DLGAP1: variants seen among roughly 807,000 people sequenced by gnomAD.
The protein encoded by DLGAP1 is DLG associated protein 1, also known as disks large-associated protein 1.
DLGAP1 carries 11 observed loss-of-function variants against 90.8 expected under a neutral mutation model. The ratio of observed to expected loss-of-function variants is 0.12; its 90% CI spans 0.08 to 0.20. The LOEUF (loss-of-function observed/expected upper bound fraction) is 0.20, where lower values mean the gene tolerates loss of function less well. Ranked by LOEUF, DLGAP1 falls within the 10% of genes least tolerant of loss-of-function variation. The probability of loss-of-function intolerance (pLI) is 1.00; values close to 1 mark genes in which losing one functional copy is unlikely to be tolerated. For synonymous variants in DLGAP1, 558 were observed against 540.7 expected (o/e 1.03, Z -0.44); for missense variants, 1,050 against 1,333.8 (o/e 0.79, Z 3.31).
chr18:3,889,361 G>A (rs1756238796), intron 3 of DLGAP1, among the ~76,000 whole-genome samples: 1 of 152,158 alleles, frequency 6.6e-6, no homozygotes, highest in Middle Eastern at 3.4e-3. Context: ...TTGTGAACAT[G>A]TTCTGGCATA....
intron 1 of DLGAP1, among the ~76,000 whole-genome samples, chr18:4,437,464 A>C (rs542301724): frequency 6.6e-6 from 1 of 152,364 alleles, no homozygotes. Context: ...CATATAACTT[A>C]CACTTTAAAT....
At chr18:3,779,385 G>GT (rs944827410) in intron 5 of DLGAP1, among the ~76,000 whole-genome samples, 2 of 152,030 alleles carry the variant, frequency 1.3e-5, no homozygotes, top group East Asian at 1.9e-4. Flanking sequence ...CCAGCAATCA[G>GT]TTTTTTCCCC....
rs1249527411 is a variant in DLGAP1 at position 3,508,918 on chromosome 18, A to G, written c.2480-257T>C. ...CCTGCATATTTCTTGGGAGCAATGGAGTTTTCCAGCACTGATGTTACCAAG... is the reference window on the plus strand; with the variant it reads ...CCTGCATATTTCTTGGGAGCAATGGGGTTTTCCAGCACTGATGTTACCAAG... On this transcript the variant is annotated intron_variant, in intron 10 of 12. Coordinates refer to ENST00000315677, the MANE Select transcript of DLGAP1 (RefSeq NM_004746.4). 2.0e-5 allele frequency among the ~76,000 whole-genome samples: 3 copies of G among 151,884 alleles called. No individual in the cohort carries two copies. In the East Asian group the frequency reaches 5.8e-4, roughly 29 times the overall value.
intron 3 of DLGAP1, among the ~76,000 whole-genome samples, chr18:3,926,638 C>A (rs1423088975): frequency 2.0e-5 from 3 of 151,634 alleles, no homozygotes; most frequent in Non-Finnish European, 2.9e-5. Flanking sequence ...ACATAGAGCT[C>A]TCTATATATC....
intron 7 of DLGAP1, among the ~76,000 whole-genome samples, chr18:3,720,825 G>T (rs2147339696): frequency 7.1e-6 from 1 of 139,996 alleles, no homozygotes; most frequent in East Asian, 2.2e-4. Flanking sequence ...GCTGAGGCAG[G>T]AGGACTGGTT....
At chr18:3,887,560 G>C (rs1254780700) in intron 3 of DLGAP1, among the ~76,000 whole-genome samples, 2 of 152,176 alleles carry the variant, frequency 1.3e-5, no homozygotes, top group Non-Finnish European at 2.9e-5. Flanking sequence ...GTCCTGGCCA[G>C]CTACGGCAGT....
intron 2 of DLGAP1, among the ~76,000 whole-genome samples, chr18:4,127,794 G>C (rs2076253115): frequency 6.6e-6 from 1 of 152,106 alleles, no homozygotes; most frequent in Admixed American, 6.6e-5. Flanking sequence ...TCCCAGGTAT[G>C]CCACAAACTG....
chr18:3,548,697 A>G (rs1941663989), intron 9 of DLGAP1, among the ~76,000 whole-genome samples: 1 of 152,184 alleles, frequency 6.6e-6, no homozygotes, highest in Non-Finnish European at 1.5e-5. Context: ...ATTTTCATCT[A>G]AGATCAGTAA....
chr18:3,741,190 A>C (rs1197721189), intron 6 of DLGAP1, among the ~76,000 whole-genome samples: 9 of 60,230 alleles, frequency 1.5e-4, no homozygotes, highest in South Asian at 5.6e-4. Flanking sequence ...CACCACCACC[A>C]CCACCACCAA....
intron 5 of DLGAP1, among the ~76,000 whole-genome samples, chr18:3,773,911 C>A (rs894850385): frequency 1.3e-5 from 2 of 152,100 alleles, no homozygotes; most frequent in Non-Finnish European, 2.9e-5. Flanking sequence ...CAGGAAGAAT[C>A]AAAAAATATT....
At chr18:3,886,273 T>C (rs1294530222) in intron 3 of DLGAP1, among the ~76,000 whole-genome samples, 4 of 152,156 alleles carry the variant, frequency 2.6e-5, no homozygotes, top group Non-Finnish European at 4.4e-5. Context: ...GTCCTAAAAA[T>C]TTCTTTTTTG....
chr18:3,722,215 C>G (rs771367119), intron 7 of DLGAP1: 1 of 152,116 alleles, frequency 6.6e-6, no homozygotes, highest in Non-Finnish European at 1.5e-5. Flanking sequence ...TGAGGCATAG[C>G]CCCTCAAGGT....
chr18:3,697,573 T>C (rs1199045621), intron 7 of DLGAP1, among the ~76,000 whole-genome samples: 2 of 152,204 alleles, frequency 1.3e-5, no homozygotes. Flanking sequence ...ATTTCTGTTA[T>C]TTTGCATTTG....
At chr18:4,254,107 G>A (rs2078837908) in intron 1 of DLGAP1, among the ~76,000 whole-genome samples, 2 of 152,140 alleles carry the variant, frequency 1.3e-5, no homozygotes, top group African/African-American at 4.8e-5. Context: ...GGCAGGGATT[G>A]TCAATAGGAG....
intron 7 of DLGAP1, among the ~76,000 whole-genome samples, chr18:3,704,950 T>C (rs1458458212): frequency 1.3e-5 from 2 of 152,214 alleles, no homozygotes; most frequent in African/African-American, 4.8e-5. Flanking sequence ...AAGACATGAA[T>C]ACATGCAAAA....
In DLGAP1 at chr18:3,581,991, G is replaced by A; in HGVS notation, c.1849C>T (p.His617Tyr). The change falls in exon 8 of 13, where the codon CAC becomes TAC. Residue 617 changes from histidine (H) to tyrosine (Y), a missense_variant. By Grantham distance (83) the His-to-Tyr change is moderately conservative. This residue lies in a region of DLGAP1 where 565 missense variants were observed against 879.7 expected (regional missense o/e 0.64). Transcript: ENST00000315677. ...ACGGTGGCAGTGTTATTGCCCATGT[G>A]TTGACTGGCAGGGCCATGGATCTGG... ...NAQIHGPASQ[H>Y]MGNNTATVTT... 1.9e-6 allele frequency: 3 copies of A among 1,614,042 alleles called. No individual in the cohort carries two copies. In the African/African-American group the frequency reaches 4.0e-5, roughly 22 times the overall value.
chr18:3,977,434 G>GTGTTTTTTTTTTTTTT (rs1555718019), intron 3 of DLGAP1, among the ~76,000 whole-genome samples: 2 of 95,332 alleles, frequency 2.1e-5, no homozygotes, highest in African/African-American at 8.4e-5. Context: ...TTTATTCTGT[G>GTGTTTTTTTTTTTTTT]TTTTTTTTTT....
In DLGAP1 at chr18:3,844,241, T is replaced by C. The variant is rs559654858; in HGVS notation, c.958-29968A>G. Among the ~76,000 whole-genome samples, 8 of 152,360 alleles carry C rather than the reference T, an allele frequency of 5.3e-5. No homozygotes were observed. The South Asian group carries it at 1.7e-3, about 32-fold the overall frequency. On this transcript the variant is annotated intron_variant, in intron 4 of 12. Coordinates refer to ENST00000315677, the MANE Select transcript of DLGAP1 (RefSeq NM_004746.4). Reference sequence around the variant, plus strand: ...AAATATCTTTTGAGGTCACCTACTTTGTGAACCTAAAGTCTCTGATTTTTC... The same window carrying C: ...AAATATCTTTTGAGGTCACCTACTTCGTGAACCTAAAGTCTCTGATTTTTC...
intron 1 of DLGAP1, among the ~76,000 whole-genome samples, chr18:4,392,667 A>C (rs1335010307): frequency 6.6e-6 from 1 of 152,198 alleles, no homozygotes; most frequent in Non-Finnish European, 1.5e-5. Flanking sequence ...ATAACTGTAC[A>C]GTCTACAGTG....
Sources: gnomAD v4.1 joint callset for allele counts (sites outside exome capture counted in the v4.1 genomes callset) on GRCh38, gnomAD v4.1.1 for gene constraint, gnomAD v4.1.1 regional missense constraint, MANE v1.5 for transcripts, NCBI Gene and HGNC (gene_info 2026-07-23, HGNC 2026-07-21) for gene names.